The following GFRAL variants were observed in gnomAD, a reference collection of about 807,000 sequenced individuals.
The protein encoded by GFRAL is GDNF family receptor alpha-like.
In GFRAL, 36 loss-of-function variants were observed where a neutral mutation model predicts 45.4. The observed-to-expected ratio is 0.79, with a 90% CI of 0.61 to 1.05. GFRAL has a LOEUF of 1.05. GFRAL is among the 50% of genes least tolerant of loss of function. The pLI, the probability that GFRAL is intolerant of heterozygous loss-of-function variation, is 0.00. For missense variants in GFRAL, 507 were observed against 467.5 expected (o/e 1.08, Z -0.78); for synonymous variants, 166 against 154.1 (o/e 1.08, Z -0.57).
intron 3 of GFRAL, 70 bp downstream of exon 3, chr6:55,334,014 C>A: frequency 1.1e-6 from 1 of 871,114 alleles, no homozygotes; most frequent in Non-Finnish European, 1.7e-6. Flanking sequence ...TTAACCACAT[C>A]TATGTAATGT....
At chr6:55,391,887 ATC>A (rs1406847907) in intron 6 of GFRAL, among the ~76,000 whole-genome samples, 3 of 152,136 alleles carry the variant, frequency 2.0e-5, no homozygotes, top group South Asian at 2.1e-4. Flanking sequence ...TCTAATGAAA[ATC>A]TCTGTTTTAA....
At chr6:55,343,803 AG>A (rs1768002827) in intron 3 of GFRAL, among the ~76,000 whole-genome samples, 2 of 152,222 alleles carry the variant, frequency 1.3e-5, no homozygotes, top group Non-Finnish European at 2.9e-5. Flanking sequence ...AGAAGAAAAA[AG>A]AGAAGAATCA....
chr6:55,389,947 A>G (rs976764640), intron 6 of GFRAL, among the ~76,000 whole-genome samples: 1 of 152,240 alleles, frequency 6.6e-6, no homozygotes, highest in Non-Finnish European at 1.5e-5. Context: ...TGCATCCCAT[A>G]CTTACTTTTG....
At chr6:55,338,654 T>A (rs2127351303) in intron 3 of GFRAL, among the ~76,000 whole-genome samples, 1 of 152,168 alleles carries the variant, frequency 6.6e-6, no homozygotes, top group East Asian at 1.9e-4. Flanking sequence ...ACAGAATTGT[T>A]AGACTTGGGC....
In GFRAL at chr6:55,389,507, C is replaced by G. The variant is rs570463834; in HGVS notation, c.953-9673C>G. Among the ~76,000 whole-genome samples the G allele has an allele frequency of 2.0e-5, 3 of 152,200 alleles. No homozygotes were observed. The East Asian group carries it at 5.8e-4, about 29-fold the overall frequency. ...AAATAGCTCCTGTTGTATGTTTACC[C>G]TCTGCAAGTTACCTTACATGCCTTG... On this transcript the variant is annotated intron_variant, in intron 6 of 8. Transcript: ENST00000340465.
At chr6:55,370,011 G>T (rs1411254497) in intron 6 of GFRAL, among the ~76,000 whole-genome samples, 1 of 152,230 alleles carries the variant, frequency 6.6e-6, no homozygotes, top group South Asian at 2.1e-4. Flanking sequence ...ACCCTACTAT[G>T]TGTTATCTGA....
intron 5 of GFRAL, among the ~76,000 whole-genome samples, chr6:55,355,699 GC>G (rs1182205097): frequency 1.3e-5 from 2 of 151,792 alleles, no homozygotes; most frequent in African/African-American, 4.8e-5. Flanking sequence ...TAATTTGGAT[GC>G]CCCCCTTTTC....
intron 3 of GFRAL, among the ~76,000 whole-genome samples, chr6:55,347,862 T>C (rs1376783282): frequency 1.3e-5 from 2 of 152,148 alleles, no homozygotes; most frequent in Non-Finnish European, 2.9e-5. Context: ...CCACATACCC[T>C]CTAAAAAAGA....
At chr6:55,338,877 T>G (rs1767924162) in intron 3 of GFRAL, among the ~76,000 whole-genome samples, 1 of 152,176 alleles carries the variant, frequency 6.6e-6, no homozygotes, top group South Asian at 2.1e-4. Context: ...GATTAGACTT[T>G]AAACCGTTGC....
chr6:55,338,495 A>G (rs1349780447), intron 3 of GFRAL, among the ~76,000 whole-genome samples: 1 of 152,138 alleles, frequency 6.6e-6, no homozygotes, highest in East Asian at 1.9e-4. Flanking sequence ...GATGATCTCA[A>G]TTCTCAATTC....
chr6:55,382,968 T>C (rs1190230425), intron 6 of GFRAL, among the ~76,000 whole-genome samples: 1 of 152,022 alleles, frequency 6.6e-6, no homozygotes, highest in Non-Finnish European at 1.5e-5. Flanking sequence ...ATAATTATGA[T>C]GTTAAACATG....
intron 6 of GFRAL, among the ~76,000 whole-genome samples, chr6:55,383,397 G>C (rs1170428766): frequency 6.6e-6 from 1 of 151,958 alleles, no homozygotes; most frequent in Admixed American, 6.6e-5. Flanking sequence ...GCATAATGAT[G>C]GTGGTCCCAT....
chr6:55,399,368 G>A lies in GFRAL; in HGVS notation c.1049-1G>A. 3 of 1,605,458 alleles carry A rather than the reference G, an allele frequency of 1.9e-6. No individual in the cohort carries two copies. Among genetic ancestry groups the A allele is most frequent in the Non-Finnish European group, 2.6e-6 (3 of 1,173,848 alleles). On this transcript the variant is annotated splice_acceptor_variant, in intron 7 of 8. Coordinates refer to ENST00000340465, the MANE Select transcript of GFRAL (RefSeq NM_207410.2). LOFTEE classifies it high-confidence loss of function. ...ATTTCTTAATCTTTTTCTTTTTCTA[G>A]GAGAAGTAATCTATGCTGCCATGTG...
chr6:55,399,115 G>A (rs1768863003), intron 6 of GFRAL, 65 bp from the exon 7 acceptor site: 2 of 794,274 alleles, frequency 2.5e-6, no homozygotes, highest in Non-Finnish European at 3.9e-6. Flanking sequence ...AAAGCAAATT[G>A]TAATCCATAA....
At chr6:55,333,762 T>C in intron 2 of GFRAL, 24 bp from the exon 3 acceptor site, 3 of 1,528,930 alleles carry the variant, frequency 2.0e-6, no homozygotes, top group East Asian at 4.6e-5. Context: ...TTAATATCTA[T>C]AGTGTTATGT....
intron 6 of GFRAL, among the ~76,000 whole-genome samples, chr6:55,390,915 C>T (rs1768743866): frequency 6.6e-6 from 1 of 151,502 alleles, no homozygotes; most frequent in Non-Finnish European, 1.5e-5. Context: ...CACACACACA[C>T]ACACACACAC....
At chr6:55,341,553 T>A (rs1420494552) in intron 3 of GFRAL, among the ~76,000 whole-genome samples, 1 of 151,982 alleles carries the variant, frequency 6.6e-6, no homozygotes, top group South Asian at 2.1e-4. Flanking sequence ...CAAAGGTAGA[T>A]AAAACCACAA....
chr6:55,332,563 A>G (rs2127349718), intron 2 of GFRAL, among the ~76,000 whole-genome samples: 1 of 152,084 alleles, frequency 6.6e-6, no homozygotes, highest in East Asian at 1.9e-4. Context: ...AGCTGGGACT[A>G]CAGGCGCATG....
chr6:55,343,421 A>G (rs1401248785), intron 3 of GFRAL, among the ~76,000 whole-genome samples: 1 of 152,204 alleles, frequency 6.6e-6, no homozygotes. Context: ...CTGCTCGTGA[A>G]TGACTGCTGG....
Sources: allele counts gnomAD v4.1 joint callset (sites outside exome capture counted in the v4.1 genomes callset), GRCh38; gene constraint gnomAD v4.1.1; transcripts MANE v1.5; gene names NCBI Gene and HGNC (gene_info 2026-07-23, HGNC 2026-07-21).